The following ENTREP2 variants were observed in gnomAD, a reference collection of about 807,000 sequenced individuals.
ENTREP2 encodes protein ENTREP2.
chr15:29,423,791 G>A, the ENTREP2 span, among the ~76,000 whole-genome samples: 1 of 150,252 alleles, frequency 6.7e-6, no homozygotes, highest in African/African-American at 2.4e-5. Context: ...GCGAGACTCC[G>A]TCTCAAAAAA....
chr15:29,123,350 C>T, the ENTREP2 span: 1 of 1,534,950 alleles, frequency 6.5e-7, no homozygotes, highest in Non-Finnish European at 8.8e-7. Flanking sequence ...CATACCTGGT[C>T]CAGAACGTCA....
At chr15:29,118,480 G>C in the ENTREP2 span, among the ~76,000 whole-genome samples, 1 of 152,222 alleles carries the variant, frequency 6.6e-6, no homozygotes, top group Non-Finnish European at 1.5e-5. Context: ...GAGTTCGGTG[G>C]GTGGGTGCTC....
At chr15:29,600,439 CCAT>C in the ENTREP2 span, among the ~76,000 whole-genome samples, 4,966 of 141,738 alleles carry the variant, frequency 0.035, 224 homozygotes, top group African/African-American at 0.12. Context: ...TTCTCTCCCA[CCAT>C]CATCATCATC....
chr15:29,656,022 TAAAAAAA>T, the ENTREP2 span, among the ~76,000 whole-genome samples: 1 of 100,392 alleles, frequency 1.0e-5, no homozygotes, highest in Middle Eastern at 6.3e-3. Context: ...ACACTCCGTT[TAAAAAAA>T]AAAAAAAAAA....
chr15:29,350,685 G>A, the ENTREP2 span, among the ~76,000 whole-genome samples: 8 of 152,198 alleles, frequency 5.3e-5, no homozygotes, highest in African/African-American at 1.9e-4. Flanking sequence ...GCTCACGCCT[G>A]TAATCTCAGC....
At chr15:29,604,495 T>A in the ENTREP2 span, among the ~76,000 whole-genome samples, 1 of 152,224 alleles carries the variant, frequency 6.6e-6, no homozygotes, top group African/African-American at 2.4e-5. Flanking sequence ...ATCTTATTCA[T>A]AACATATTAT....
At chr15:29,183,947 T>C in the ENTREP2 span, among the ~76,000 whole-genome samples, 1 of 152,188 alleles carries the variant, frequency 6.6e-6, no homozygotes, top group Non-Finnish European at 1.5e-5. Context: ...GAAGGTATTA[T>C]ATTATTCTCA....
At chr15:29,140,023 G>A in the ENTREP2 span, among the ~76,000 whole-genome samples, 1 of 152,202 alleles carries the variant, frequency 6.6e-6, no homozygotes, top group South Asian at 2.1e-4. Context: ...CCTGCGGGGC[G>A]AGGAGGGAGC....
the ENTREP2 span, among the ~76,000 whole-genome samples, chr15:29,505,218 GGGCAA>G: frequency 6.6e-6 from 1 of 152,218 alleles, no homozygotes; most frequent in East Asian, 1.9e-4. The surrounding 1 kb of genome is among the most constrained non-coding windows in gnomAD (Gnocchi z 4.3). Context: ...CCTCGTCTGT[GGGCAA>G]GGCATCTCGG....
chr15:29,344,069 A>T, the ENTREP2 span, among the ~76,000 whole-genome samples: 1 of 152,202 alleles, frequency 6.6e-6, no homozygotes, highest in South Asian at 2.1e-4. Flanking sequence ...CAAGCATTTG[A>T]TACAAGGTTT....
At chr15:29,631,147 A>G in the ENTREP2 span, among the ~76,000 whole-genome samples, 2 of 151,956 alleles carry the variant, frequency 1.3e-5, no homozygotes, top group African/African-American at 4.8e-5. Context: ...CTTTGCTGAG[A>G]CTTTCTATGT....
the ENTREP2 span, among the ~76,000 whole-genome samples, chr15:29,386,006 A>G: frequency 2.6e-5 from 4 of 151,668 alleles, no homozygotes; most frequent in Non-Finnish European, 5.9e-5. Context: ...GAGTCCAGCC[A>G]CTGGCCGGCC....
chr15:29,146,872 T>C, the ENTREP2 span, among the ~76,000 whole-genome samples: 1 of 151,092 alleles, frequency 6.6e-6, no homozygotes, highest in Non-Finnish European at 1.5e-5. Flanking sequence ...GAGGCAGAGG[T>C]TGTGGTGAGC....
At chr15:29,612,666 C>T in the ENTREP2 span, 1 of 152,908 alleles carries the variant, frequency 6.5e-6, no homozygotes, top group African/African-American at 2.4e-5. Context: ...CATGGACCTA[C>T]CAGTACCTGC....
chr15:29,624,297 C>T, the ENTREP2 span, among the ~76,000 whole-genome samples: 27 of 152,020 alleles, frequency 1.8e-4, no homozygotes, highest in Non-Finnish European at 5.9e-5. Context: ...TATCTCTTTC[C>T]TTCTGTCTCC....
At chr15:29,339,573 G>A in the ENTREP2 span, among the ~76,000 whole-genome samples, 2 of 152,176 alleles carry the variant, frequency 1.3e-5, no homozygotes, top group African/African-American at 2.4e-5. Flanking sequence ...CATTAGATCT[G>A]AACTAAATAC....
chr15:29,488,106 C>CGAAA, the ENTREP2 span, among the ~76,000 whole-genome samples: 5 of 149,580 alleles, frequency 3.3e-5, no homozygotes, highest in African/African-American at 1.3e-4. Context: ...ACTGGACTTA[C>CGAAA]TAAAGACTTT....
At chr15:29,293,539 A>T in the ENTREP2 span, among the ~76,000 whole-genome samples, 2 of 151,982 alleles carry the variant, frequency 1.3e-5, no homozygotes, top group Non-Finnish European at 2.9e-5. Context: ...TACAGGCATG[A>T]GCCACCGCGC....
the ENTREP2 span, among the ~76,000 whole-genome samples, chr15:29,657,711 A>C: frequency 1.3e-5 from 2 of 152,058 alleles, no homozygotes; most frequent in Admixed American, 1.3e-4. Context: ...TGAGACAGAA[A>C]AGTTCCTGAT....
Sources: allele counts gnomAD v4.1 joint callset (sites outside exome capture counted in the v4.1 genomes callset), GRCh38; gene constraint gnomAD v4.1.1; non-coding constraint Gnocchi (gnomAD v3.1); transcripts MANE v1.5; gene names NCBI Gene and HGNC (gene_info 2026-07-23, HGNC 2026-07-21).